GALNT8: variants seen among roughly 807,000 people sequenced by gnomAD.
GALNT8 encodes polypeptide N-acetylgalactosaminyltransferase 8.
GALNT8 carries 66 observed loss-of-function variants against 62.7 expected under a neutral mutation model. The observed-to-expected ratio is 1.05, with a 90% CI of 0.86 to 1.29. GALNT8 has a LOEUF of 1.29. Among genes scored for constraint, GALNT8 ranks in the 50% most tolerant of loss-of-function variants. The pLI is 0.00. For missense variants in GALNT8, 771 were observed against 791.8 expected, an observed-to-expected ratio of 0.97 and a Z score of 0.32; for synonymous variants, 288 against 294.3, an observed-to-expected ratio of 0.98 and a Z score of 0.22.
chr12:4,731,447 A>G (rs1341060525), intron 2 of GALNT8, among the ~76,000 whole-genome samples: 1 of 152,164 alleles, frequency 6.6e-6, no homozygotes, highest in Non-Finnish European at 1.5e-5. Flanking sequence ...GACAATCTAC[A>G]CTTCTTTCCC....
At position 4,720,429 on chromosome 12, in the gene GALNT8, C is replaced by T. The variant is rs1591561141; in HGVS notation, c.-249C>T. On this transcript the variant is annotated 5_prime_UTR_variant, in exon 1 of 11. Coordinates refer to ENST00000252318, the MANE Select transcript of GALNT8 (RefSeq NM_017417.2). ...TCTCCCTGAGCAACCTGTGGAAAGC[C>T]GCTGAGCAACCTGTGGAAAGCCGCT... is the stretch of plus-strand genomic sequence containing the variant. The T allele has an allele frequency of 7.8e-6, 4 of 511,106 alleles. No homozygotes were observed. Among genetic ancestry groups the T allele is most frequent in the Admixed American group, 3.2e-5 (1 of 30,980 alleles). The allele number at this position is 511,106 out of a possible 1,614,324, so 31.7% of individuals were successfully genotyped here.
At chr12:4,755,219 G>A (rs1337922903) in intron 6 of GALNT8, among the ~76,000 whole-genome samples, 1 of 152,224 alleles carries the variant, frequency 6.6e-6, no homozygotes, top group Non-Finnish European at 1.5e-5. Context: ...CTTACTTAGA[G>A]ACTCAAAGCA....
intron 4 of GALNT8, 64 bp downstream of exon 4, chr12:4,744,764 A>G: frequency 1.8e-6 from 2 of 1,091,208 alleles, no homozygotes; most frequent in East Asian, 2.4e-5. Flanking sequence ...CATGTACTGA[A>G]CACAAGACAG....
Position 4,755,441 on chromosome 12 carries a change from C to T in GALNT8, c.1174-5517C>T, listed in dbSNP as rs144598922. Reference sequence around the variant, plus strand: ...CTCCCCCAACACACAGAAATGCTGTCTACACCATGCTGCAGCTACTGGGGA... The same window carrying T: ...CTCCCCCAACACACAGAAATGCTGTTTACACCATGCTGCAGCTACTGGGGA... On this transcript the variant is annotated intron_variant, in intron 6 of 10. Transcript: ENST00000252318. 9.2e-5 allele frequency among the ~76,000 whole-genome samples: 14 copies of T among 152,338 alleles called. 1 individual carries two copies. In the East Asian group the frequency reaches 2.5e-3, roughly 27 times the overall value.
At chr12:4,730,943 G>A (rs1946219336) in intron 2 of GALNT8, among the ~76,000 whole-genome samples, 1 of 151,062 alleles carries the variant, frequency 6.6e-6, no homozygotes, top group Non-Finnish European at 1.5e-5. Flanking sequence ...CACCTCCTGG[G>A]TTCATGCCAT....
chr12:4,763,467 C>A, intron 8 of GALNT8, 77 bp downstream of exon 8: 1 of 1,205,750 alleles, frequency 8.3e-7, no homozygotes, highest in Non-Finnish European at 1.2e-6. Context: ...CTCGTGATTG[C>A]CTGTCCTGCC....
At chr12:4,758,238 C>T (rs1946353955) in intron 6 of GALNT8, among the ~76,000 whole-genome samples, 1 of 151,800 alleles carries the variant, frequency 6.6e-6, no homozygotes, top group Non-Finnish European at 1.5e-5. Context: ...GGATTTTTCT[C>T]CAGTAGCAGA....
At chr12:4,725,187 A>T (rs1946189091) in intron 1 of GALNT8, among the ~76,000 whole-genome samples, 1 of 152,192 alleles carries the variant, frequency 6.6e-6, no homozygotes, top group African/African-American at 2.4e-5. Flanking sequence ...TGTCATCATC[A>T]CTAAACACTA....
chr12:4,746,714 T>C (rs531061770), intron 6 of GALNT8, among the ~76,000 whole-genome samples: 2 of 152,270 alleles, frequency 1.3e-5, no homozygotes, highest in South Asian at 2.1e-4. Context: ...TGTGCTGAGA[T>C]ATAGTCTAAT....
intron 6 of GALNT8, among the ~76,000 whole-genome samples, chr12:4,759,049 T>A (rs1946360085): frequency 6.6e-6 from 1 of 152,174 alleles, no homozygotes; most frequent in Non-Finnish European, 1.5e-5. Context: ...TTGCTGGGAT[T>A]ACAGGCATGA....
intron 2 of GALNT8, among the ~76,000 whole-genome samples, chr12:4,736,795 G>T (rs989768338): frequency 2.6e-5 from 4 of 152,066 alleles, no homozygotes; most frequent in Non-Finnish European, 5.9e-5. Flanking sequence ...TTTTTAATAA[G>T]AAATTATGAG....
In GALNT8 at chr12:4,772,625, T is replaced by A; in HGVS notation, c.*28T>A. The A allele has an allele frequency of 6.4e-7, 1 of 1,574,434 alleles. No homozygotes were observed. On this transcript the variant is annotated 3_prime_UTR_variant, in exon 11 of 11. Transcript: ENST00000252318. ...CTCAGATGGTGCTGGATCTGGGTCA[T>A]CAATTCTTGCAAGTGGAATGGCTTC...
chr12:4,724,748 T>A (rs1203553656), intron 1 of GALNT8, among the ~76,000 whole-genome samples: 2 of 152,258 alleles, frequency 1.3e-5, no homozygotes, highest in Non-Finnish European at 2.9e-5. Context: ...TCTTTTTGTC[T>A]TAACCACTTG....
intron 10 of GALNT8, among the ~76,000 whole-genome samples, chr12:4,770,320 CAAAA>C (rs1434248869): frequency 7.3e-4 from 107 of 146,964 alleles, no homozygotes; most frequent in African/African-American, 1.8e-3. Context: ...AAAAAAAAAA[CAAAA>C]AACAAACAAC....
rs1946431062 is a variant in GALNT8, at chr12:4,772,639, T to A, written c.*42T>A. On this transcript the variant is annotated 3_prime_UTR_variant, in exon 11 of 11. Coordinates refer to ENST00000252318, the MANE Select transcript of GALNT8 (RefSeq NM_017417.2). ...GATCTGGGTCATCAATTCTTGCAAG[T>A]GGAATGGCTTCTACTCCTAACACTC... 2 of 1,479,642 alleles carry A rather than the reference T, an allele frequency of 1.4e-6. No individual in the cohort carries two copies. Among genetic ancestry groups the A allele is most frequent in the East Asian group, 2.3e-5 (1 of 44,386 alleles). 91.7% of individuals were successfully genotyped at this position (1,479,642 alleles called of 1,614,324 possible).
chr12:4,748,009 G>T (rs574870169), intron 6 of GALNT8, among the ~76,000 whole-genome samples: 3 of 152,110 alleles, frequency 2.0e-5, no homozygotes, highest in African/African-American at 7.2e-5. Flanking sequence ...TTTGCCATTT[G>T]TATGTCTTCT....
rs1157841992 is a variant in GALNT8, at chr12:4,758,635, T to TGA, written c.1174-2322_1174-2321insAG. On this transcript the variant is annotated intron_variant, in intron 6 of 10. Coordinates refer to ENST00000252318, the MANE Select transcript of GALNT8 (RefSeq NM_017417.2). ...GTGTGTGTGTGTGTGTGTGTGTGTG[T>TGA]GTGAGAGAGAGAGAGAGAGAGAGAG... Among the ~76,000 whole-genome samples, 20 of 47,336 alleles carry TGA rather than the reference T, an allele frequency of 4.2e-4. No individual in the cohort carries two copies. In the South Asian group the frequency reaches 5.9e-3, roughly 14 times the overall value. 31.1% of individuals were successfully genotyped at this position (47,336 alleles called of 152,430 possible). A position where few individuals can be genotyped will look rare whatever the true frequency, so the allele number is the denominator to read the frequency against.
At chr12:4,725,483 C>G (rs536670753) in intron 1 of GALNT8, among the ~76,000 whole-genome samples, 1 of 152,038 alleles carries the variant, frequency 6.6e-6, no homozygotes, top group Admixed American at 6.5e-5. Flanking sequence ...CAGGCTCTAC[C>G]CCAGAATTGA....
chr12:4,735,729 G>A (rs117334450), intron 2 of GALNT8, among the ~76,000 whole-genome samples: 2 of 152,260 alleles, frequency 1.3e-5, no homozygotes, highest in East Asian at 1.9e-4. Flanking sequence ...AAGACCAGGA[G>A]CTCCAGGGGG....
Sources: gnomAD v4.1 joint callset for allele counts (sites outside exome capture counted in the v4.1 genomes callset) on GRCh38, gnomAD v4.1.1 for gene constraint, MANE v1.5 for transcripts, NCBI Gene and HGNC (gene_info 2026-07-23, HGNC 2026-07-21) for gene names.